Variants in INPP5K observed in about 807,000 individuals in gnomAD.
INPP5K encodes the protein inositol polyphosphate-5-phosphatase K, also known as inositol polyphosphate 5-phosphatase K.
In INPP5K, 35 loss-of-function variants were observed where a neutral mutation model predicts 53.5. The ratio of observed to expected loss-of-function variants is 0.65; its 90% CI spans 0.50 to 0.87. The LOEUF is 0.87. Ranked by LOEUF, INPP5K falls within the 40% of genes least tolerant of loss-of-function variation. INPP5K has a pLI of 0.00. For missense variants in INPP5K, 550 were observed against 586.2 expected (o/e 0.94, Z 0.64); for synonymous variants, 253 against 232.8 (o/e 1.09, Z -0.79).
chr17:1,511,753 G>C (rs575020287), intron 3 of INPP5K, among the ~76,000 whole-genome samples: 1 of 151,808 alleles, frequency 6.6e-6, no homozygotes, highest in Non-Finnish European at 1.5e-5. Context: ...CAAGGGGACT[G>C]ATAAAGACTC....
chr17:1,496,920 G>T, intron 8 of INPP5K, 117 bp from the exon 9 acceptor site: 2 of 1,048,896 alleles, frequency 1.9e-6, no homozygotes, highest in Non-Finnish European at 2.8e-6. Flanking sequence ...CCCAGAGGGG[G>T]TGGGCATGGA....
Position 1,498,098 on chromosome 17 carries a change from C to T in INPP5K, c.801G>A (p.Trp267Ter). The T allele has an allele frequency of 2.5e-6, 4 of 1,611,652 alleles. No homozygotes were observed. Among genetic ancestry groups the T allele is most frequent in the Non-Finnish European group, 3.4e-6 (4 of 1,178,302 alleles). Residue 267 changes from tryptophan (W) to a stop codon, truncating the protein, a stop_gained, in exon 8 of 12, where the codon TGG (tryptophan) becomes TGA (stop). Transcript: ENST00000421807. LOFTEE classifies it high-confidence loss of function. ...DTSEKKRKPA[W>*]TDRILWRLKR... ...TCAGCCTCCACAGGATGCGATCGGT[C>T]CATGCAGGCTTGCGTTTTTTCTCAC...
Position 1,513,519 on chromosome 17 carries a change from A to G in INPP5K, c.195T>C (p.Asp65=), listed in dbSNP as rs771743470. 8 of 1,614,266 alleles carry G rather than the reference A, an allele frequency of 5.0e-6. No individual in the cohort carries two copies. Among genetic ancestry groups the G allele is most frequent in the South Asian group, 2.2e-5 (2 of 91,090 alleles). Residue 65 remains aspartate, a synonymous_variant, in exon 3 of 12, where the codon GAT becomes GAC. Transcript: ENST00000421807. ...LNSGIISLLS[D]AAFNDSWSSF... ...TGCTCCACGAGTCATTAAAGGCAGC[A>G]TCGGAAAGGAGGCTTATGATCCCAG... is the stretch of plus-strand genomic sequence containing the variant.
chr17:1,504,251 C>T (rs2075103565), intron 7 of INPP5K, among the ~76,000 whole-genome samples: 1 of 152,224 alleles, frequency 6.6e-6, no homozygotes, highest in Admixed American at 6.5e-5. Context: ...TCAAAAGCAA[C>T]ACTGAAAGCA....
At chr17:1,504,232 C>T (rs1456046619) in intron 7 of INPP5K, among the ~76,000 whole-genome samples, 1 of 152,216 alleles carries the variant, frequency 6.6e-6, no homozygotes, top group Admixed American at 6.5e-5. Context: ...AAGAAAGGTA[C>T]GCTGTGTCTC....
At chr17:1,514,352 G>C (rs1180657487) in intron 1 of INPP5K, among the ~76,000 whole-genome samples, 3 of 152,044 alleles carry the variant, frequency 2.0e-5, no homozygotes, top group Admixed American at 2.0e-4. Context: ...TAGTGCACGG[G>C]GTCTAGGCCT....
chr17:1,506,495 A>G (rs2075158134), intron 7 of INPP5K, among the ~76,000 whole-genome samples: 1 of 151,952 alleles, frequency 6.6e-6, no homozygotes, highest in African/African-American at 2.4e-5. Context: ...GCTTCTAACT[A>G]CCAGACTCAT....
chr17:1,496,408 A>AG lies in INPP5K; in HGVS notation c.1102-7dup, dbSNP rs1171807785. ...TTAACGTCCCGCAGCCCCACCTGTGAGGGGGAGTCAGGCCATCAGTGGTCA... is the reference window on the plus strand; with the variant it reads ...TTAACGTCCCGCAGCCCCACCTGTGAGGGGGGAGTCAGGCCATCAGTGGTCA... On this transcript the variant is annotated splice_region_variant and splice_polypyrimidine_tract_variant and intron_variant, in intron 9 of 11. Coordinates refer to ENST00000421807, the MANE Select transcript of INPP5K (RefSeq NM_016532.4). 15 of 1,555,742 alleles carry AG rather than the reference A, an allele frequency of 9.6e-6. No homozygotes were observed. Among genetic ancestry groups the AG allele is most frequent in the Non-Finnish European group, 1.2e-5 (14 of 1,149,222 alleles).
rs1026106285 is a variant in INPP5K at position 1,496,491 on chromosome 17, T to C, written c.1102-89A>G. 7 of 1,343,868 alleles carry C rather than the reference T, an allele frequency of 5.2e-6. No individual in the cohort carries two copies. The African/African-American group carries it at 1.0e-4, about 19-fold the overall frequency. 83.2% of individuals were successfully genotyped at this position (1,343,868 alleles called of 1,614,324 possible). ...GAAGAGATGGTCTCCCTGCTGGGCCTGGCTACCGTACTGTGTGCCTCCCCG... is the reference window on the plus strand; with the variant it reads ...GAAGAGATGGTCTCCCTGCTGGGCCCGGCTACCGTACTGTGTGCCTCCCCG... On this transcript the variant is annotated intron_variant, in intron 9 of 11. Coordinates refer to ENST00000421807, the MANE Select transcript of INPP5K (RefSeq NM_016532.4).
In INPP5K at chr17:1,509,757, C is replaced by T. The variant is rs2075263042; in HGVS notation, c.304G>A (p.Ala102Thr). 1.2e-6 allele frequency: 2 copies of T among 1,613,606 alleles called. No individual in the cohort carries two copies. The highest frequency in any genetic ancestry group is 1.7e-6 in the Non-Finnish European group (2 of 1,179,722). Residue 102 changes from alanine (A) to threonine (T), a missense_variant, in exon 4 of 12, where the codon GCC becomes ACC. Physicochemically the swap from Ala to Thr is moderately conservative, Grantham distance 58 (BLOSUM62 0). Coordinates refer to ENST00000421807, the MANE Select transcript of INPP5K (RefSeq NM_016532.4). ...ATATAGGGCAAATGCTGATACTTGGCAAAGACCAGTAAGAGGATCCCCTGC... is the reference window on the plus strand; with the variant it reads ...ATATAGGGCAAATGCTGATACTTGGTAAAGACCAGTAAGAGGATCCCCTGC... The part of the protein sequence containing the change: ...RMQGILLLVF[A>T]KYQHLPYIQI...
At chr17:1,507,507 A>C in intron 6 of INPP5K, 1 of 183,252 alleles carries the variant, frequency 5.5e-6, no homozygotes, top group Non-Finnish European at 1.1e-5. Flanking sequence ...GCATGATGGT[A>C]CCTGGTGCAA....
At chr17:1,512,558 G>A (rs2075333858) in intron 3 of INPP5K, among the ~76,000 whole-genome samples, 1 of 152,182 alleles carries the variant, frequency 6.6e-6, no homozygotes, top group African/African-American at 2.4e-5. Context: ...GGGAAAGAGG[G>A]AATTCTGGTA....
chr17:1,513,804 TCA>T (rs554250174), intron 2 of INPP5K, 66 bp downstream of exon 2: 111 of 1,254,734 alleles, frequency 8.8e-5, no homozygotes, highest in Non-Finnish European at 1.2e-4. Context: ...GGAGGGCAGG[TCA>T]CAGTGCTTCC....
intron 7 of INPP5K, among the ~76,000 whole-genome samples, chr17:1,504,545 A>G (rs1339490852): frequency 6.6e-6 from 1 of 152,234 alleles, no homozygotes; most frequent in African/African-American, 2.4e-5. Context: ...CTCCAGCCAA[A>G]GGGAAGCAGT....
rs370944261 is a variant in INPP5K at position 1,496,178 on chromosome 17, G to T, written c.1186-14C>A. 1.3e-6 allele frequency: 2 copies of T among 1,581,018 alleles called. No individual in the cohort carries two copies. The highest frequency in any genetic ancestry group is 8.7e-7 in the Non-Finnish European group (1 of 1,150,266). On this transcript the variant is annotated splice_polypyrimidine_tract_variant and intron_variant, in intron 10 of 11. Coordinates refer to ENST00000421807, the MANE Select transcript of INPP5K (RefSeq NM_016532.4). The stretch of plus-strand genomic sequence containing the variant: ...GTCGATGTAAACCTGGAGGGGGATG[G>T]ACAGGACTGGGGTCAGCTCCAGGGC...
chr17:1,516,362 A>T, intron 1 of INPP5K, 94 bp downstream of exon 1: 1 of 1,339,026 alleles, frequency 7.5e-7, no homozygotes, highest in Non-Finnish European at 1.0e-6. Context: ...AAAGGCAGTC[A>T]TGGAGGTCTG....
At chr17:1,515,593 G>T (rs1446048257) in intron 1 of INPP5K, 2 of 985,534 alleles carry the variant, frequency 2.0e-6, no homozygotes, top group African/African-American at 3.5e-5. Context: ...GATCTGGAAT[G>T]GCAGAGGGTA....
At chr17:1,516,317 A>T in intron 1 of INPP5K, 139 bp downstream of exon 1, 1 of 1,041,172 alleles carries the variant, frequency 9.6e-7, no homozygotes, top group South Asian at 1.6e-5. Context: ...CCCACCTGAC[A>T]CAGGCGTGGG....
chr17:1,513,000 T>C (rs2075343718), intron 3 of INPP5K, among the ~76,000 whole-genome samples: 2 of 152,172 alleles, frequency 1.3e-5, no homozygotes, highest in African/African-American at 4.8e-5. Context: ...CTGTAAAATA[T>C]CTCTATTTCA....
Sources: allele counts gnomAD v4.1 joint callset (sites outside exome capture counted in the v4.1 genomes callset), GRCh38; gene constraint gnomAD v4.1.1; transcripts MANE v1.5; gene names NCBI Gene and HGNC (gene_info 2026-07-23, HGNC 2026-07-21).